The following PALLD variants were observed in gnomAD, a reference collection of about 807,000 sequenced individuals.
PALLD encodes the protein palladin.
In PALLD, 61 loss-of-function variants were observed where a neutral mutation model predicts 123.5. The observed-to-expected ratio is 0.49, with a 90% CI of 0.40 to 0.61. PALLD has a LOEUF of 0.61. Among genes scored for constraint, PALLD ranks in the 20% least tolerant of loss-of-function variants. PALLD has a pLI of 0.00. For missense variants in PALLD, 1,273 were observed against 1,377.0 expected (o/e 0.92, Z 1.20); for synonymous variants, 465 against 496.4 (o/e 0.94, Z 0.84).
chr4:168,781,485 G>T (rs1249496399), intron 10 of PALLD, among the ~76,000 whole-genome samples: 3 of 152,200 alleles, frequency 2.0e-5, no homozygotes, highest in African/African-American at 7.2e-5. Flanking sequence ...ATGGTGTATG[G>T]CCAGGGGCAG....
chr4:168,757,752 G>T (rs73864639), intron 10 of PALLD, among the ~76,000 whole-genome samples: 2,534 of 152,314 alleles, frequency 0.017, 69 homozygotes, highest in African/African-American at 0.058. Flanking sequence ...TACCACTTTA[G>T]AATTTACAAA....
intron 10 of PALLD, among the ~76,000 whole-genome samples, chr4:168,809,851 G>A (rs1290242802): frequency 6.9e-6 from 1 of 144,240 alleles, no homozygotes; most frequent in Non-Finnish European, 1.5e-5. Context: ...GTGACAGAGA[G>A]AGACTCTGTC....
At chr4:168,745,535 G>T (rs1338774731) in intron 10 of PALLD, among the ~76,000 whole-genome samples, 3 of 151,400 alleles carry the variant, frequency 2.0e-5, no homozygotes, top group African/African-American at 7.3e-5. Context: ...AGAGCATGTT[G>T]TACATCAAGG....
At chr4:168,709,873 G>A (rs918454459) in intron 9 of PALLD, among the ~76,000 whole-genome samples, 10 of 152,004 alleles carry the variant, frequency 6.6e-5, no homozygotes, top group African/African-American at 2.2e-4. Context: ...TCTTGGAAAC[G>A]ATGGAGCTGG....
At chr4:168,735,340 C>T (rs1292002639) in intron 10 of PALLD, among the ~76,000 whole-genome samples, 2 of 152,182 alleles carry the variant, frequency 1.3e-5, no homozygotes, top group Non-Finnish European at 2.9e-5. Context: ...ACAGCATTTC[C>T]ACTCAGCCTG....
At chr4:168,921,162 T>A (rs1160974765) in intron 17 of PALLD, among the ~76,000 whole-genome samples, 1 of 151,940 alleles carries the variant, frequency 6.6e-6, no homozygotes, top group Non-Finnish European at 1.5e-5. Flanking sequence ...TCCCAGCACT[T>A]TGGGAGGCTG....
intron 2 of PALLD, among the ~76,000 whole-genome samples, chr4:168,549,695 T>C (rs1035701740): frequency 1.3e-5 from 2 of 151,894 alleles, no homozygotes; most frequent in Admixed American, 6.6e-5. Context: ...GAAACAAAGA[T>C]ATCCATCAAA....
intron 2 of PALLD, among the ~76,000 whole-genome samples, chr4:168,559,637 C>G (rs1201717082): frequency 2.0e-5 from 3 of 152,120 alleles, no homozygotes; most frequent in African/African-American, 4.8e-5. Flanking sequence ...TGGCTCACAC[C>G]TATAATCTCA....
chr4:168,765,788 TGAG>T (rs1264614189), intron 10 of PALLD, among the ~76,000 whole-genome samples: 40 of 151,288 alleles, frequency 2.6e-4, no homozygotes, highest in Non-Finnish European at 5.0e-4. Flanking sequence ...TATGTACTAG[TGAG>T]GTCAGCAATT....
intron 10 of PALLD, among the ~76,000 whole-genome samples, chr4:168,841,604 G>GT (rs1002390230): frequency 2.6e-5 from 4 of 152,200 alleles, no homozygotes; most frequent in Non-Finnish European, 4.4e-5. Flanking sequence ...CAGTCATTGT[G>GT]TTCTAGGTAC....
At chr4:168,812,601 T>G (rs761794673) in intron 10 of PALLD, among the ~76,000 whole-genome samples, 1 of 152,168 alleles carries the variant, frequency 6.6e-6, no homozygotes, top group Non-Finnish European at 1.5e-5. Context: ...AGTTACACAC[T>G]CTCTCCTGCT....
chr4:168,792,194 G>C (rs1221642590), intron 10 of PALLD, among the ~76,000 whole-genome samples: 3 of 152,128 alleles, frequency 2.0e-5, no homozygotes, highest in Non-Finnish European at 4.4e-5. Context: ...ACTGGATCAA[G>C]ATTCCTGTGG....
chr4:168,690,592 T>C lies in PALLD; in HGVS notation c.1336-11T>C. On this transcript the variant is annotated splice_polypyrimidine_tract_variant and intron_variant, in intron 6 of 21. Coordinates refer to ENST00000505667, the MANE Select transcript of PALLD (RefSeq NM_001166108.2). ...CTGATGGGGTTTTCCTTGAATTTCC[T>C]TGAATTTCAGGAACTGCAAAACACA... The C allele has an allele frequency of 6.2e-7, 1 of 1,614,212 alleles. No homozygotes were observed. The highest frequency in any genetic ancestry group is 1.3e-5 in the African/African-American group (1 of 75,068).
intron 3 of PALLD, among the ~76,000 whole-genome samples, chr4:168,672,456 A>G (rs147713084): frequency 1.0e-4 from 15 of 148,022 alleles, no homozygotes; most frequent in African/African-American, 3.5e-4. Context: ...TTTACTTCTG[A>G]GATTAACTTT....
intron 10 of PALLD, among the ~76,000 whole-genome samples, chr4:168,725,960 C>T (rs1786538898): frequency 6.6e-6 from 1 of 152,194 alleles, no homozygotes; most frequent in African/African-American, 2.4e-5. Context: ...CCTTCCCTTC[C>T]CTCATAGCCA....
At chr4:168,845,904 A>G (rs1399547322) in intron 10 of PALLD, among the ~76,000 whole-genome samples, 1 of 152,220 alleles carries the variant, frequency 6.6e-6, no homozygotes, top group Non-Finnish European at 1.5e-5. Context: ...CTACTGATTT[A>G]TTTGACAAGC....
chr4:168,524,613 ATACTC>A (rs1393552094), intron 2 of PALLD, among the ~76,000 whole-genome samples: 1 of 152,154 alleles, frequency 6.6e-6, no homozygotes, highest in African/African-American at 2.4e-5. Context: ...TTTAACTGCT[ATACTC>A]TACTGCCATA....
intron 2 of PALLD, among the ~76,000 whole-genome samples, chr4:168,542,371 A>G (rs540777129): frequency 6.6e-6 from 1 of 151,946 alleles, no homozygotes; most frequent in Non-Finnish European, 1.5e-5. Flanking sequence ...AGCTATGATC[A>G]TACCACTGCA....
chr4:168,759,232 T>A (rs1447017849), intron 10 of PALLD, among the ~76,000 whole-genome samples: 1,318 of 91,196 alleles, frequency 0.014, 133 homozygotes, highest in Non-Finnish European at 0.021. Context: ...TATATATATA[T>A]ATATATATAT....
Sources: gnomAD v4.1 joint callset for allele counts (sites outside exome capture counted in the v4.1 genomes callset) on GRCh38, gnomAD v4.1.1 for gene constraint, MANE v1.5 for transcripts, NCBI Gene and HGNC (gene_info 2026-07-23, HGNC 2026-07-21) for gene names.